FIGN: variants seen among roughly 807,000 people sequenced by gnomAD.
The protein encoded by FIGN is fidgetin.
FIGN carries 11 observed loss-of-function variants against 51.3 expected under a neutral mutation model. The observed-to-expected ratio is 0.21, with a 90% confidence interval of 0.13 to 0.35. FIGN has a LOEUF of 0.35. Ranked by LOEUF, FIGN falls within the 10% of genes least tolerant of loss-of-function variation. FIGN has a pLI of 1.00. For synonymous variants in FIGN, 407 were observed against 363.2 expected (o/e 1.12, Z -1.37); for missense variants, 857 against 943.6 (o/e 0.91, Z 1.20).
intron 2 of FIGN, among the ~76,000 whole-genome samples, chr2:163,661,546 G>A (rs935700256): frequency 1.2e-4 from 18 of 152,152 alleles, no homozygotes; most frequent in Admixed American, 7.9e-4. Flanking sequence ...AGAAGCACCC[G>A]CCACCTTGCC....
At chr2:163,639,965 T>G (rs1683283939) in intron 2 of FIGN, among the ~76,000 whole-genome samples, 1 of 152,282 alleles carries the variant, frequency 6.6e-6, no homozygotes, top group Non-Finnish European at 1.5e-5. Context: ...GAATTGTTAT[T>G]GTTATTATCA....
chr2:163,626,631 C>T (rs769829450), intron 2 of FIGN, among the ~76,000 whole-genome samples: 40 of 152,042 alleles, frequency 2.6e-4, no homozygotes, highest in Non-Finnish European at 4.7e-4. Context: ...GTATCTATGT[C>T]AGAGGTGTCT....
At chr2:163,676,983 G>A (rs1408347399) in intron 2 of FIGN, among the ~76,000 whole-genome samples, 1 of 152,180 alleles carries the variant, frequency 6.6e-6, no homozygotes, top group East Asian at 1.9e-4. Context: ...AATGAAAGGA[G>A]GGAGGGATAG....
At chr2:163,653,618 T>A (rs1007858238) in intron 2 of FIGN, among the ~76,000 whole-genome samples, 6 of 152,094 alleles carry the variant, frequency 3.9e-5, no homozygotes, top group African/African-American at 1.2e-4. Flanking sequence ...AGTATTAATA[T>A]TTTAAAGTAC....
At chr2:163,735,352 A>G (rs2105371904) in intron 1 of FIGN, among the ~76,000 whole-genome samples, 1 of 152,210 alleles carries the variant, frequency 6.6e-6, no homozygotes, top group East Asian at 1.9e-4. Context: ...TTTTTCTGCA[A>G]CCGATCTTCT....
chr2:163,622,737 T>A (rs1682994769), intron 2 of FIGN, among the ~76,000 whole-genome samples: 1 of 151,920 alleles, frequency 6.6e-6, no homozygotes, highest in Non-Finnish European at 1.5e-5. Flanking sequence ...AATTATTGTG[T>A]ATTTTTTGGT....
Position 163,609,706 on chromosome 2 carries a change from G to A in FIGN, c.2126C>T (p.Pro709Leu). 6.2e-7 allele frequency: 1 copy of A among 1,614,028 alleles called. No homozygotes were observed. The highest frequency in any genetic ancestry group is 8.5e-7 in the Non-Finnish European group (1 of 1,180,018). ...CATAATGGCTGAAAGGTCTGTGGCT[G>A]GCATGGCATGGAGGGGGCCCACCAC... ...EAVVGPLHAMPATDLSAIMPS... is the reference protein window; with the variant it reads ...EAVVGPLHAMLATDLSAIMPS... The change falls in exon 3 of 3, where the codon CCA becomes CTA. Residue 709 changes from proline (P) to leucine (L), a missense_variant. By Grantham distance (98) the Pro-to-Leu change is moderately conservative. This residue lies in a region of FIGN where 799 missense variants were observed against 849.5 expected (regional missense o/e 0.94). Coordinates refer to ENST00000333129, the MANE Select transcript of FIGN (RefSeq NM_018086.4).
chr2:163,637,809 A>G (rs1047982058), intron 2 of FIGN, among the ~76,000 whole-genome samples: 4 of 152,132 alleles, frequency 2.6e-5, no homozygotes, highest in African/African-American at 9.7e-5. Context: ...ACCAATATGT[A>G]TCCTAGTGTT....
chr2:163,665,723 A>C (rs750789456), intron 2 of FIGN, among the ~76,000 whole-genome samples: 6 of 152,236 alleles, frequency 3.9e-5, no homozygotes, highest in Non-Finnish European at 5.9e-5. Context: ...GGAGATGATG[A>C]CCTAACAATA....
chr2:163,643,922 A>G (rs1683343168), intron 2 of FIGN, among the ~76,000 whole-genome samples: 2 of 120,608 alleles, frequency 1.7e-5, no homozygotes, highest in East Asian at 2.3e-4. Flanking sequence ...ACAAGAGCGA[A>G]ACTCTGTCTC....
At chr2:163,634,622 G>A (rs1683197581) in intron 2 of FIGN, among the ~76,000 whole-genome samples, 1 of 152,132 alleles carries the variant, frequency 6.6e-6, no homozygotes, top group African/African-American at 2.4e-5. Flanking sequence ...CTATGAACTT[G>A]TAATAATGAT....
chr2:163,721,223 C>T (rs16848848), intron 2 of FIGN, among the ~76,000 whole-genome samples: 5,772 of 152,186 alleles, frequency 0.038, 131 homozygotes, highest in Non-Finnish European at 0.046. Flanking sequence ...CCCACAGCTT[C>T]CTGATTATAA....
intron 2 of FIGN, among the ~76,000 whole-genome samples, chr2:163,659,304 T>C (rs914554658): frequency 1.3e-5 from 2 of 152,178 alleles, no homozygotes; most frequent in Non-Finnish European, 2.9e-5. Context: ...TCTATTATCA[T>C]TGCTACTATT....
At chr2:163,674,267 T>C (rs891810257) in intron 2 of FIGN, among the ~76,000 whole-genome samples, 1 of 152,170 alleles carries the variant, frequency 6.6e-6, no homozygotes, top group Non-Finnish European at 1.5e-5. Flanking sequence ...TGTGCGTGTG[T>C]GCGTGCGTGT....
intron 2 of FIGN, among the ~76,000 whole-genome samples, chr2:163,637,827 T>C (rs1372973020): frequency 4.6e-5 from 7 of 152,188 alleles, no homozygotes. Context: ...GTTTTTGGTC[T>C]TCTGACATAT....
At position 163,735,076 on chromosome 2, in the gene FIGN, C is replaced by CGCGCGGAGAGAGAACCCG; in HGVS notation, c.-145-5_-145-4insCGGGTTCTCTCTCCGCGC. On this transcript the variant is annotated splice_region_variant and splice_polypyrimidine_tract_variant and intron_variant, in intron 1 of 2. Transcript: ENST00000333129. ...TTTCGTCAGGTATTCATTTAACCTA[C>CGCGCGGAGAGAGAACCCG]ATGCATATAATTAAGGGGGAAAGCA... 1.7e-6 allele frequency: 1 copy of CGCGCGGAGAGAGAACCCG among 602,928 alleles called. No individual in the cohort carries two copies. Among genetic ancestry groups the CGCGCGGAGAGAGAACCCG allele is most frequent in the African/African-American group, 1.9e-5 (1 of 52,034 alleles). 37.3% of individuals were successfully genotyped at this position (602,928 alleles called of 1,614,324 possible). A position where few individuals can be genotyped will look rare whatever the true frequency, so the allele number is the denominator to read the frequency against.
chr2:163,672,349 C>T (rs1043294598), intron 2 of FIGN, among the ~76,000 whole-genome samples: 2 of 151,826 alleles, frequency 1.3e-5, no homozygotes, highest in Non-Finnish European at 2.9e-5. Context: ...TTGTGTAACT[C>T]TATGATATAA....
At chr2:163,702,981 A>C (rs1684432785) in intron 2 of FIGN, among the ~76,000 whole-genome samples, 1 of 151,408 alleles carries the variant, frequency 6.6e-6, no homozygotes, top group African/African-American at 2.4e-5. Context: ...ATTATCCCTG[A>C]ACAGGTTGAG....
chr2:163,684,301 T>G (rs368991919), intron 2 of FIGN, among the ~76,000 whole-genome samples: 11 of 152,342 alleles, frequency 7.2e-5, no homozygotes, highest in African/African-American at 2.6e-4. Context: ...TGCCTAAACA[T>G]AGCAAAAGCA....
Sources: allele counts gnomAD v4.1 joint callset (sites outside exome capture counted in the v4.1 genomes callset), GRCh38; gene constraint gnomAD v4.1.1; regional missense constraint gnomAD v4.1.1; transcripts MANE v1.5; gene names NCBI Gene and HGNC (gene_info 2026-07-23, HGNC 2026-07-21).